Variants in OSBPL3 observed in about 807,000 individuals in gnomAD.
The protein encoded by OSBPL3 is oxysterol binding protein like 3.
OSBPL3 carries 65 observed loss-of-function variants against 120.1 expected under a neutral mutation model. That is an observed-to-expected ratio of 0.54 (90% CI 0.44 to 0.67). OSBPL3 has a LOEUF of 0.67. Ranked by LOEUF, OSBPL3 falls within the 30% of genes least tolerant of loss-of-function variation. OSBPL3 has a pLI of 0.00. For synonymous variants in OSBPL3, 416 were observed against 402.6 expected (o/e 1.03, Z -0.40); for missense variants, 1,004 against 1,082.1 (o/e 0.93, Z 1.01).
At position 24,854,510 on chromosome 7, in the gene OSBPL3, A is replaced by ACG. The variant is rs1799579125; in HGVS notation, c.1028-1877_1028-1876insCG. Among the ~76,000 whole-genome samples the ACG allele has an allele frequency of 9.5e-6, 1 of 105,168 alleles. No individual in the cohort carries two copies. The highest frequency in any genetic ancestry group is 2.0e-5 in the Non-Finnish European group (1 of 48,814). 69.0% of individuals were successfully genotyped at this position (105,168 alleles called of 152,430 possible). On this transcript the variant is annotated intron_variant, in intron 10 of 22. Coordinates refer to ENST00000313367, the MANE Select transcript of OSBPL3 (RefSeq NM_015550.4). The surrounding 1 kb of genome is among the most constrained non-coding windows in gnomAD (Gnocchi z 4.1). ...TTTGTACACACACACACGCACACAC[A>ACG]CACACACACACACACACACACACAC...
At chr7:24,845,637 G>T (rs1391354945) in intron 12 of OSBPL3, among the ~76,000 whole-genome samples, 6 of 140,996 alleles carry the variant, frequency 4.3e-5, no homozygotes. Flanking sequence ...TTATTGTTTT[G>T]ACACACATCA....
intron 1 of OSBPL3, among the ~76,000 whole-genome samples, chr7:24,917,428 T>TATATATATATATATATATATATATG (rs1562924930): frequency 1.1e-5 from 1 of 92,264 alleles, no homozygotes; most frequent in African/African-American, 3.9e-5. Context: ...ATATATATAT[T>TATATATATATATATATATATATATG]TGTAACATAT....
rs373760650 is a variant in OSBPL3, at chr7:24,817,377, C to T, written c.1949-689G>A. 2.6e-5 allele frequency among the ~76,000 whole-genome samples: 4 copies of T among 152,070 alleles called. No homozygotes were observed. Among genetic ancestry groups the T allele is most frequent in the African/African-American group, 4.8e-5 (2 of 41,472 alleles). On this transcript the variant is annotated intron_variant, in intron 17 of 22. Coordinates refer to ENST00000313367, the MANE Select transcript of OSBPL3 (RefSeq NM_015550.4). The surrounding 1 kb of genome is among the most constrained non-coding windows in gnomAD (Gnocchi z 4.0). ...ATTAAAAATACAAAAATTAGCTGGG[C>T]GTTGTGGTGGGTGCCTGTAGTCCCA...
intron 19 of OSBPL3, among the ~76,000 whole-genome samples, chr7:24,814,366 C>T (rs907137570): frequency 3.3e-5 from 5 of 151,862 alleles, no homozygotes; most frequent in African/African-American, 9.7e-5. Flanking sequence ...CTGTGCAGCG[C>T]CCGACAGGCC....
chr7:24,931,550 G>T (rs67091494), intron 1 of OSBPL3, among the ~76,000 whole-genome samples: 1 of 152,102 alleles, frequency 6.6e-6, no homozygotes, highest in African/African-American at 2.4e-5. Context: ...GCAGCCTCTA[G>T]AAGACAGAAA....
At chr7:24,864,357 G>T (rs1010411392) in intron 7 of OSBPL3, among the ~76,000 whole-genome samples, 3 of 152,174 alleles carry the variant, frequency 2.0e-5, no homozygotes, top group African/African-American at 7.2e-5. Flanking sequence ...ACCACAGCTC[G>T]TTGGGCTCCA....
At position 24,831,521 on chromosome 7, in the gene OSBPL3, AG is replaced by A. The variant is rs1401017814; in HGVS notation, c.1747-617del. 2.0e-5 allele frequency among the ~76,000 whole-genome samples: 3 copies of A among 152,316 alleles called. No individual in the cohort carries two copies. In the South Asian group the frequency reaches 6.2e-4, roughly 32 times the overall value. On this transcript the variant is annotated intron_variant, in intron 15 of 22. Coordinates refer to ENST00000313367, the MANE Select transcript of OSBPL3 (RefSeq NM_015550.4). This position sits in a 1 kb window ranked among gnomAD's most constrained non-coding sequence, Gnocchi z 4.0. ...AAAAAAAATTAAAATAAAGAGAGGA[AG>A]GAAGAAAAACTTTACGTGAACACGA...
intron 1 of OSBPL3, among the ~76,000 whole-genome samples, chr7:24,951,863 C>T (rs1814484277): frequency 6.6e-6 from 1 of 152,222 alleles, no homozygotes; most frequent in Admixed American, 6.5e-5. Flanking sequence ...AATCACAACA[C>T]CCACGGTACA....
rs1812834200 is a variant in OSBPL3 at position 24,939,549 on chromosome 7, G to C, written c.-150+40337C>G. 6.6e-6 allele frequency among the ~76,000 whole-genome samples: 1 copy of C among 152,200 alleles called. No homozygotes were observed. Among genetic ancestry groups the C allele is most frequent in the African/African-American group, 2.4e-5 (1 of 41,448 alleles). On this transcript the variant is annotated intron_variant, in intron 1 of 22. Transcript: ENST00000313367. This position sits in a 1 kb window ranked among gnomAD's most constrained non-coding sequence, Gnocchi z 4.2. The stretch of plus-strand genomic sequence containing the variant: ...CATGTTTTAAAAAATTAAACACGCA[G>C]GAAGAAAAGACTAAAGAAACTGGGT...
chr7:24,920,846 GGT>G (rs1283629785), intron 1 of OSBPL3, among the ~76,000 whole-genome samples: 1 of 152,056 alleles, frequency 6.6e-6, no homozygotes, highest in East Asian at 1.9e-4. Flanking sequence ...AAAAGTCAGA[GGT>G]CAAATTCAAC....
chr7:24,807,047 C>G, intron 20 of OSBPL3, 145 bp from the exon 21 acceptor site: 1 of 685,622 alleles, frequency 1.5e-6, no homozygotes, highest in Non-Finnish European at 2.4e-6. Context: ...GACTAATGAA[C>G]AGGCACTGAA....
At position 24,872,221 on chromosome 7, in the gene OSBPL3, T is replaced by G; in HGVS notation, c.97-152A>C. The G allele has an allele frequency of 1.7e-6, 1 of 596,614 alleles. No homozygotes were observed. Among genetic ancestry groups the G allele is most frequent in the South Asian group, 2.3e-5 (1 of 43,872 alleles). 37.0% of individuals were successfully genotyped at this position (596,614 alleles called of 1,614,324 possible). Reference sequence around the variant, plus strand: ...AAATCCAAATTTAATTTCCATACAGTCCCTGGGCTTCACAGATTTAATTCT... The same window carrying G: ...AAATCCAAATTTAATTTCCATACAGGCCCTGGGCTTCACAGATTTAATTCT... On this transcript the variant is annotated intron_variant, in intron 2 of 22. Transcript: ENST00000313367. This position sits in a 1 kb window ranked among gnomAD's most constrained non-coding sequence, Gnocchi z 4.1.
intron 1 of OSBPL3, among the ~76,000 whole-genome samples, chr7:24,960,055 T>C (rs1815545313): frequency 6.6e-6 from 1 of 152,208 alleles, no homozygotes; most frequent in Non-Finnish European, 1.5e-5. Flanking sequence ...TAAATGAACC[T>C]TCTGTTGAAC....
chr7:24,942,156 CTT>C (rs770814036), intron 1 of OSBPL3, among the ~76,000 whole-genome samples: 49 of 144,770 alleles, frequency 3.4e-4, no homozygotes, highest in Non-Finnish European at 3.5e-4. Context: ...TCTCAAGATG[CTT>C]TTTTTTTTTT....
Position 24,965,686 on chromosome 7 carries a change from G to T in OSBPL3, c.-150+14200C>A, listed in dbSNP as rs1300001747. Reference sequence around the variant, plus strand: ...CCACTAAATCAGAAACTGTGGGGGTGGGGCCCAGCAATCTGTTTTATTAAA... The same window carrying T: ...CCACTAAATCAGAAACTGTGGGGGTTGGGCCCAGCAATCTGTTTTATTAAA... On this transcript the variant is annotated intron_variant, in intron 1 of 22. Coordinates refer to ENST00000313367, the MANE Select transcript of OSBPL3 (RefSeq NM_015550.4). This position sits in a 1 kb window ranked among gnomAD's most constrained non-coding sequence, Gnocchi z 4.3. 6.6e-6 allele frequency among the ~76,000 whole-genome samples: 1 copy of T among 152,114 alleles called. No homozygotes were observed. Among genetic ancestry groups the T allele is most frequent in the African/African-American group, 2.4e-5 (1 of 41,410 alleles).
Position 24,819,021 on chromosome 7 carries a change from G to A in OSBPL3, c.1948+1154C>T, listed in dbSNP as rs146487193. Reference sequence around the variant, plus strand: ...TGTAATCCCAGCATTTTGGGAGGCCGAGGCAGGCGGATCACAAGGTCAAGA... The same window carrying A: ...TGTAATCCCAGCATTTTGGGAGGCCAAGGCAGGCGGATCACAAGGTCAAGA... On this transcript the variant is annotated intron_variant, in intron 17 of 22. Coordinates refer to ENST00000313367, the MANE Select transcript of OSBPL3 (RefSeq NM_015550.4). This position sits in a 1 kb window ranked among gnomAD's most constrained non-coding sequence, Gnocchi z 4.1. Among the ~76,000 whole-genome samples the A allele has an allele frequency of 0.015, 2,319 of 152,166 alleles. 63 individuals carry two copies. Among genetic ancestry groups the A allele is most frequent in the African/African-American group, 0.053 (2,204 of 41,480 alleles).
intron 12 of OSBPL3, among the ~76,000 whole-genome samples, chr7:24,844,191 A>G (rs1253581774): frequency 2.0e-5 from 3 of 152,232 alleles, no homozygotes; most frequent in Non-Finnish European, 2.9e-5. Context: ...AGTCAGTTCA[A>G]TTCAGTAATT....
At chr7:24,907,853 G>T (rs1472084665) in intron 1 of OSBPL3, among the ~76,000 whole-genome samples, 3 of 152,140 alleles carry the variant, frequency 2.0e-5, no homozygotes, top group African/African-American at 7.2e-5. Flanking sequence ...TCTCACTCGG[G>T]ACTGCATTTT....
rs1403900179 is a variant in OSBPL3, at chr7:24,808,640, C to T, written c.2317+1167G>A. ...TGGCAGCTACCCATTGAAAGGGCCA[C>T]TGCTGGCTGCCTACTTGACCATCAT... is the stretch of plus-strand genomic sequence containing the variant. On this transcript the variant is annotated intron_variant, in intron 20 of 22. Transcript: ENST00000313367. This position sits in a 1 kb window ranked among gnomAD's most constrained non-coding sequence, Gnocchi z 4.6. Among the ~76,000 whole-genome samples the T allele has an allele frequency of 6.6e-6, 1 of 152,232 alleles. No individual in the cohort carries two copies. Among genetic ancestry groups the T allele is most frequent in the African/African-American group, 2.4e-5 (1 of 41,450 alleles).
Sources: gnomAD v4.1 joint callset for allele counts (sites outside exome capture counted in the v4.1 genomes callset) on GRCh38, gnomAD v4.1.1 for gene constraint, Gnocchi (gnomAD v3.1) non-coding constraint, MANE v1.5 for transcripts, NCBI Gene and HGNC (gene_info 2026-07-23, HGNC 2026-07-21) for gene names.